Variants in TIAM1 observed in about 807,000 individuals in gnomAD.
TIAM1 encodes TIAM Rac1 associated GEF 1.
A neutral mutation model predicts 163.5 loss-of-function variants in TIAM1; 65 were observed. The ratio of observed to expected loss-of-function variants is 0.40; its 90% CI spans 0.33 to 0.49. The LOEUF (loss-of-function observed/expected upper bound fraction) is 0.49, where lower values mean the gene tolerates loss of function less well. Ranked by LOEUF, TIAM1 falls within the 20% of genes least tolerant of loss-of-function variation. The pLI is 0.77. For synonymous variants in TIAM1, 833 were observed against 810.1 expected (o/e 1.03, Z -0.48); for missense variants, 1,789 against 2,044.7 (o/e 0.87, Z 2.41).
At chr21:31,223,739 T>C in intron 7 of TIAM1, 148 bp from the exon 8 acceptor site, 1 of 784,560 alleles carries the variant, frequency 1.3e-6, no homozygotes, top group Non-Finnish European at 1.8e-6. Context: ...CTTAGTTACT[T>C]ATGTTTCTTC....
Position 31,180,198 on chromosome 21 carries a change from G to A in TIAM1, c.2887+2223C>T, listed in dbSNP as rs181821688. On this transcript the variant is annotated intron_variant, in intron 15 of 27. Transcript: ENST00000541036. ...TGGGATTACAGGTGTGAGCCACTGC[G>A]CCCGGTAGACTTTTTTTAAAAAAGA... 4.4e-3 allele frequency among the ~76,000 whole-genome samples: 673 copies of A among 152,124 alleles called. 5 individuals are homozygous for A. The highest frequency in any genetic ancestry group is 0.015 in the African/African-American group (643 of 41,488).
chr21:31,226,839 G>A (rs1425419247), intron 6 of TIAM1, among the ~76,000 whole-genome samples: 1 of 151,864 alleles, frequency 6.6e-6, no homozygotes, highest in Admixed American at 6.6e-5. Flanking sequence ...AATACTAAAG[G>A]AGCTACTAAC....
chr21:31,412,422 G>A (rs1259337793), intron 2 of TIAM1, among the ~76,000 whole-genome samples: 1 of 152,072 alleles, frequency 6.6e-6, no homozygotes, highest in African/African-American at 2.4e-5. Context: ...TTCCATGGAT[G>A]AGGGGGTGGG....
chr21:31,537,916 T>G (rs1020294908), intron 1 of TIAM1, among the ~76,000 whole-genome samples: 37 of 152,272 alleles, frequency 2.4e-4, no homozygotes, highest in African/African-American at 8.7e-4. Context: ...CAAAGAAAAC[T>G]TAAAAACAAT....
intron 11 of TIAM1, among the ~76,000 whole-genome samples, chr21:31,206,361 TCAAA>T (rs1234907558): frequency 6.6e-6 from 1 of 152,156 alleles, no homozygotes; most frequent in Non-Finnish European, 1.5e-5. Context: ...TCAAAGCAAG[TCAAA>T]CAACTAACCA....
At chr21:31,555,954 G>A (rs979503821) in intron 1 of TIAM1, among the ~76,000 whole-genome samples, 4 of 152,116 alleles carry the variant, frequency 2.6e-5, no homozygotes, top group East Asian at 3.9e-4. Flanking sequence ...TGGTTTAGAG[G>A]GGGAGGGGAG....
intron 1 of TIAM1, among the ~76,000 whole-genome samples, chr21:31,481,161 C>A (rs1395301628): frequency 6.6e-6 from 1 of 152,166 alleles, no homozygotes. Flanking sequence ...TGGACAGCCA[C>A]CTTCTTTCTG....
intron 2 of TIAM1, among the ~76,000 whole-genome samples, chr21:31,377,149 G>C (rs946268499): frequency 7.0e-6 from 1 of 142,384 alleles, no homozygotes; most frequent in Non-Finnish European, 1.5e-5. Flanking sequence ...AAAGTGCTAC[G>C]ATTACAGGTG....
At chr21:31,198,847 A>T (rs980535227) in intron 12 of TIAM1, among the ~76,000 whole-genome samples, 1 of 152,216 alleles carries the variant, frequency 6.6e-6, no homozygotes, top group Non-Finnish European at 1.5e-5. Context: ...ACTCAGTATC[A>T]TAAGACAGGC....
rs143970155 is a variant in TIAM1 at position 31,486,082 on chromosome 21, C to A, written c.-421-22047G>T. ...GAGTGGAAACCAATAGCACATCTCA[C>A]CCCTCTTCCACCTGAGGATTCACCA... On this transcript the variant is annotated intron_variant, in intron 1 of 28. Coordinates refer to the TIAM1 transcript ENST00000286827. Among the ~76,000 whole-genome samples the A allele has an allele frequency of 1.3e-3, 195 of 152,306 alleles. 1 individual carries two copies. The highest frequency in any genetic ancestry group is 1.3e-3 in the Non-Finnish European group (87 of 68,030).
At chr21:31,511,477 G>C (rs1569400418) in intron 1 of TIAM1, among the ~76,000 whole-genome samples, 3 of 152,068 alleles carry the variant, frequency 2.0e-5, no homozygotes, top group African/African-American at 7.2e-5. Flanking sequence ...CACACCCCCA[G>C]GGCCTCAGTT....
At chr21:31,216,169 C>T (rs1357918809) in intron 9 of TIAM1, among the ~76,000 whole-genome samples, 1 of 151,716 alleles carries the variant, frequency 6.6e-6, no homozygotes, top group African/African-American at 2.4e-5. Context: ...GACTCCATCA[C>T]AAACAAAACA....
Position 31,127,000 on chromosome 21 carries a change from G to C in TIAM1, c.4133+65C>G, listed in dbSNP as rs1366729131. The C allele has an allele frequency of 1.1e-4, 168 of 1,515,184 alleles. 1 individual carries two copies. The highest frequency in any genetic ancestry group is 7.9e-4 in the South Asian group (70 of 88,810). The allele number at this position is 1,515,184 out of a possible 1,614,324, so 93.9% of individuals were successfully genotyped here. On this transcript the variant is annotated intron_variant, in intron 26 of 27. Transcript: ENST00000541036. Reference sequence around the variant, plus strand: ...TACCAAACACCAGAACACAACGTAAGACACCAAACCGTTCCAATCTGCAGA... The same window carrying C: ...TACCAAACACCAGAACACAACGTAACACACCAAACCGTTCCAATCTGCAGA...
At chr21:31,122,147 C>T (rs535497653) in intron 27 of TIAM1, among the ~76,000 whole-genome samples, 2 of 152,276 alleles carry the variant, frequency 1.3e-5, no homozygotes, top group East Asian at 3.9e-4. Context: ...CAGACCCCTG[C>T]GTGTCCATCA....
At chr21:31,370,657 A>G (rs1242080381) in intron 2 of TIAM1, among the ~76,000 whole-genome samples, 1 of 152,176 alleles carries the variant, frequency 6.6e-6, no homozygotes, top group Non-Finnish European at 1.5e-5. Flanking sequence ...TCAAAAAACA[A>G]TATGTACAAG....
chr21:31,215,168 AAGC>A (rs2087111747), intron 9 of TIAM1, among the ~76,000 whole-genome samples: 1 of 152,118 alleles, frequency 6.6e-6, no homozygotes, highest in Non-Finnish European at 1.5e-5. Context: ...GGTGCCAATC[AAGC>A]AGAAGCACAT....
intron 2 of TIAM1, among the ~76,000 whole-genome samples, chr21:31,321,076 C>G (rs2075295470): frequency 6.6e-6 from 1 of 151,734 alleles, no homozygotes; most frequent in Non-Finnish European, 1.5e-5. Flanking sequence ...CACCTGAGTC[C>G]AGGAGTTTGA....
At chr21:31,228,239 A>ATCTG (rs1569068810) in intron 6 of TIAM1, among the ~76,000 whole-genome samples, 2 of 49,320 alleles carry the variant, frequency 4.1e-5, no homozygotes, top group African/African-American at 8.0e-5. Context: ...AAAAAAAAAA[A>ATCTG]AAAAAAAAAA....
At chr21:31,222,686 TA>T (rs2087635777) in intron 8 of TIAM1, among the ~76,000 whole-genome samples, 2 of 33,668 alleles carry the variant, frequency 5.9e-5, no homozygotes, top group Admixed American at 3.3e-4. Context: ...CATATATATA[TA>T]TATATATATA....
Sources: allele counts gnomAD v4.1 joint callset (sites outside exome capture counted in the v4.1 genomes callset), GRCh38; gene constraint gnomAD v4.1.1; transcripts MANE v1.5; gene names NCBI Gene and HGNC (gene_info 2026-07-23, HGNC 2026-07-21).